Variants in CFAP97D2 observed in about 807,000 individuals in gnomAD.
CFAP97D2 encodes the protein CFAP97 domain containing 2, also known as uncharacterized protein CFAP97D2.
intron 1 of CFAP97D2, among the ~76,000 whole-genome samples, chr13:114,184,822 A>G (rs1358324239): frequency 6.6e-6 from 1 of 152,244 alleles, no homozygotes; most frequent in Middle Eastern, 3.2e-3. Context: ...CAGTAAAATA[A>G]AAACTCTTAT....
chr13:114,199,083 T>G (rs111968198), intron 2 of CFAP97D2, among the ~76,000 whole-genome samples: 349 of 30,602 alleles, frequency 0.011, 24 homozygotes, highest in Admixed American at 0.035. Context: ...CGTCCCCGTG[T>G]GTACGGTCCC....
Position 114,185,232 on chromosome 13 carries a change from A to G in CFAP97D2, c.90+5812A>G, listed in dbSNP as rs1417181071. Among the ~76,000 whole-genome samples the G allele has an allele frequency of 6.6e-6, 1 of 152,182 alleles. No homozygotes were observed. Among genetic ancestry groups the G allele is most frequent in the African/African-American group, 2.4e-5 (1 of 41,440 alleles). On this transcript the variant is annotated intron_variant, in intron 1 of 4. Transcript: ENST00000646158. The surrounding 1 kb of genome is among the most constrained non-coding windows in gnomAD (Gnocchi z 5.2). ...CTGATGCAGGGAGGGCACAGGAAAGAGGTGAACAGTACCCGGAGCCCACCC... is the reference window on the plus strand; with the variant it reads ...CTGATGCAGGGAGGGCACAGGAAAGGGGTGAACAGTACCCGGAGCCCACCC...
At chr13:114,196,787 A>T (rs375952266) in intron 2 of CFAP97D2, among the ~76,000 whole-genome samples, 5 of 152,328 alleles carry the variant, frequency 3.3e-5, no homozygotes, top group East Asian at 1.9e-4. Context: ...CCTTGAAAAC[A>T]TGTTCCCAAG....
rs2080856219 is a variant in CFAP97D2 at position 114,187,538 on chromosome 13, G to A, written c.90+8118G>A. Among the ~76,000 whole-genome samples, 1 of 152,036 alleles carries A rather than the reference G, an allele frequency of 6.6e-6. No homozygotes were observed. On this transcript the variant is annotated intron_variant, in intron 1 of 4. Coordinates refer to ENST00000646158, the Ensembl canonical transcript of CFAP97D2. This position sits in a 1 kb window ranked among gnomAD's most constrained non-coding sequence, Gnocchi z 4.2. ...AAAGTTAAAGGGAACGATAAAATGG[G>A]GTCGATTCTCCAAAAAGGCATAATA...
At chr13:114,190,357 G>A (rs56167755) in intron 1 of CFAP97D2, among the ~76,000 whole-genome samples, 1 of 152,236 alleles carries the variant, frequency 6.6e-6, no homozygotes, top group African/African-American at 2.4e-5. Flanking sequence ...AGGAAATAAA[G>A]CTGTCTTTGA....
Position 114,203,359 on chromosome 13 carries a change from A to G in CFAP97D2, c.290+2916A>G, listed in dbSNP as rs2080926736. Among the ~76,000 whole-genome samples, 1 of 152,254 alleles carries G rather than the reference A, an allele frequency of 6.6e-6. No individual in the cohort carries two copies. Among genetic ancestry groups the G allele is most frequent in the South Asian group, 2.1e-4 (1 of 4,836 alleles). ...TAGGTACTTAGGAATAAACAAAGGA[A>G]GTACAAAATTTATACTCCAAAAACT... On this transcript the variant is annotated intron_variant, in intron 3 of 4. Coordinates refer to ENST00000646158, the Ensembl canonical transcript of CFAP97D2. The surrounding 1 kb of genome is among the most constrained non-coding windows in gnomAD (Gnocchi z 4.3).
At position 114,203,042 on chromosome 13, in the gene CFAP97D2, G is replaced by A. The variant is rs2080925546; in HGVS notation, c.290+2599G>A. The stretch of plus-strand genomic sequence containing the variant: ...CTCCCATTCTCTTCCCAAAGGGATG[G>A]TTTAATTTGCAACAGAATTTAGAAA... On this transcript the variant is annotated intron_variant, in intron 3 of 4. Coordinates refer to ENST00000646158, the Ensembl canonical transcript of CFAP97D2. The surrounding 1 kb of genome is among the most constrained non-coding windows in gnomAD (Gnocchi z 4.3). 6.6e-6 allele frequency among the ~76,000 whole-genome samples: 1 copy of A among 152,322 alleles called. No homozygotes were observed. The highest frequency in any genetic ancestry group is 2.4e-5 in the African/African-American group (1 of 41,564).
intron 3 of CFAP97D2, among the ~76,000 whole-genome samples, chr13:114,205,312 C>T (rs1329615420): frequency 2.6e-5 from 4 of 152,114 alleles, no homozygotes; most frequent in Non-Finnish European, 4.4e-5. Context: ...ATATATTTAC[C>T]ATATAACCAA....
rs1401858491 is a variant in CFAP97D2, at chr13:114,216,818, A to ATTAT, written c.480+4717_480+4718insTTAT. Among the ~76,000 whole-genome samples, 51 of 152,294 alleles carry ATTAT rather than the reference A, an allele frequency of 3.3e-4. 1 individual carries two copies. Among genetic ancestry groups the ATTAT allele is most frequent in the African/African-American group, 1.2e-3 (48 of 41,558 alleles). ...TGGGTATATGCCCAGTAATGGGATG[A>ATTAT]CTGGGTCAAATGGTATTTCTAGTTC... On this transcript the variant is annotated intron_variant, in intron 4 of 4. Transcript: ENST00000646158.
At chr13:114,205,946 G>GC (rs1373394316) in intron 3 of CFAP97D2, among the ~76,000 whole-genome samples, 1 of 152,230 alleles carries the variant, frequency 6.6e-6, no homozygotes, top group Admixed American at 6.5e-5. Flanking sequence ...CAGGAAGGAG[G>GC]CCCTTCGACT....
chr13:114,181,538 A>C (rs939647390), intron 1 of CFAP97D2, among the ~76,000 whole-genome samples: 1 of 152,184 alleles, frequency 6.6e-6, no homozygotes, highest in Non-Finnish European at 1.5e-5. Context: ...GGTGAGGAGC[A>C]GCCGGGGCTG....
intron 3 of CFAP97D2, among the ~76,000 whole-genome samples, chr13:114,201,947 T>A (rs1359211076): frequency 6.6e-6 from 1 of 152,208 alleles, no homozygotes; most frequent in Non-Finnish European, 1.5e-5. Flanking sequence ...TGTCATATGA[T>A]ACACCCATGA....
chr13:114,222,468 G>T lies in CFAP97D2; in HGVS notation c.481-30G>T, dbSNP rs59701834. The T allele has an allele frequency of 5.0e-6, 2 of 398,510 alleles. No homozygotes were observed. Among genetic ancestry groups the T allele is most frequent in the East Asian group, 7.1e-5 (2 of 28,076 alleles). The allele number at this position is 398,510 out of a possible 1,614,324, so 24.7% of individuals were successfully genotyped here. A position where few individuals can be genotyped will look rare whatever the true frequency, so the allele number is the denominator to read the frequency against. ...GTTTCTTGTTCTTGCCTAAGAAAGC[G>T]TTAGTTTCAAATATGTATTTTAAAT... On this transcript the variant is annotated intron_variant, in intron 4 of 4. Coordinates refer to ENST00000646158, the Ensembl canonical transcript of CFAP97D2. This position sits in a 1 kb window ranked among gnomAD's most constrained non-coding sequence, Gnocchi z 4.4.
intron 4 of CFAP97D2, among the ~76,000 whole-genome samples, chr13:114,216,218 A>G (rs1234817055): frequency 1.3e-5 from 2 of 152,082 alleles, no homozygotes; most frequent in African/African-American, 2.4e-5. Flanking sequence ...CAGGGATCTC[A>G]GTGCTTTTAT....
In CFAP97D2 at chr13:114,185,077, C is replaced by A. The variant is rs931437453; in HGVS notation, c.90+5657C>A. On this transcript the variant is annotated intron_variant, in intron 1 of 4. Coordinates refer to ENST00000646158, the Ensembl canonical transcript of CFAP97D2. This position sits in a 1 kb window ranked among gnomAD's most constrained non-coding sequence, Gnocchi z 5.2. ...AGGAGTGGCAGTAACAGCGGTGGGACCTCTGTGTCCCACATCCCCAAGGCA... is the reference window on the plus strand; with the variant it reads ...AGGAGTGGCAGTAACAGCGGTGGGAACTCTGTGTCCCACATCCCCAAGGCA... Among the ~76,000 whole-genome samples, 8 of 152,252 alleles carry A rather than the reference C, an allele frequency of 5.3e-5. No homozygotes were observed. Among genetic ancestry groups the A allele is most frequent in the East Asian group, 1.9e-4 (1 of 5,170 alleles).
intron 1 of CFAP97D2, among the ~76,000 whole-genome samples, chr13:114,196,084 A>G (rs1470391068): frequency 2.0e-5 from 3 of 151,630 alleles, no homozygotes; most frequent in South Asian, 2.1e-4. Flanking sequence ...CTCAAAAAAA[A>G]AAAAAAAAAA....
intron 1 of CFAP97D2, among the ~76,000 whole-genome samples, chr13:114,195,802 T>G (rs1336336839): frequency 2.0e-5 from 3 of 151,746 alleles, no homozygotes; most frequent in Non-Finnish European, 4.4e-5. Flanking sequence ...CTGGGTGCAG[T>G]GGCTCACGCC....
chr13:114,180,471 T>C lies in CFAP97D2; in HGVS notation c.90+1051T>C, dbSNP rs60185395. ...GGCTCCTTCCCCAGCTCAACCTCAC[T>C]TCCTGGCACTCCGGTTCCAATATCA... On this transcript the variant is annotated intron_variant, in intron 1 of 4. Transcript: ENST00000646158. Among the ~76,000 whole-genome samples the C allele has an allele frequency of 3.3e-5, 5 of 152,224 alleles. No individual in the cohort carries two copies. The East Asian group carries it at 9.7e-4, about 29-fold the overall frequency.
chr13:114,190,912 T>G (rs2080867052), intron 1 of CFAP97D2, among the ~76,000 whole-genome samples: 1 of 152,166 alleles, frequency 6.6e-6, no homozygotes, highest in South Asian at 2.1e-4. Context: ...CAGTGTGGTA[T>G]TAATGAAAGA....
Sources: gnomAD v4.1 joint callset for allele counts (sites outside exome capture counted in the v4.1 genomes callset) on GRCh38, gnomAD v4.1.1 for gene constraint, Gnocchi (gnomAD v3.1) non-coding constraint, MANE v1.5 for transcripts, NCBI Gene and HGNC (gene_info 2026-07-23, HGNC 2026-07-21) for gene names.